Variants in COMMD1 observed in about 807,000 individuals in gnomAD.
COMMD1 encodes the protein copper metabolism domain containing 1.
In COMMD1, 10 loss-of-function variants were observed where a neutral mutation model predicts 17.2. The observed-to-expected ratio is 0.58, with a 90% CI of 0.36 to 0.99. COMMD1 has a LOEUF of 0.99. Ranked by LOEUF, COMMD1 falls within the 50% of genes least tolerant of loss-of-function variation. COMMD1 has a pLI of 0.01. For synonymous variants in COMMD1, 97 were observed against 91.6 expected (o/e 1.06, Z -0.34); for missense variants, 270 against 231.8 (o/e 1.17, Z -1.07).
intron 2 of COMMD1, among the ~76,000 whole-genome samples, chr2:62,080,964 T>G (rs1182202196): frequency 6.6e-6 from 1 of 152,094 alleles, no homozygotes; most frequent in Non-Finnish European, 1.5e-5. Context: ...TTAATGACAT[T>G]TAAGATGTTT....
At chr2:61,920,463 TA>T (rs778457651) in intron 1 of COMMD1, among the ~76,000 whole-genome samples, 3 of 151,314 alleles carry the variant, frequency 2.0e-5, no homozygotes, top group Non-Finnish European at 4.4e-5. Context: ...CTCCCACACT[TA>T]CATTTCTGAG....
At chr2:61,960,127 G>T (rs964548223) in intron 1 of COMMD1, among the ~76,000 whole-genome samples, 2 of 151,322 alleles carry the variant, frequency 1.3e-5, no homozygotes, top group African/African-American at 2.4e-5. Context: ...GTGTGTGTGT[G>T]TGTGTGTACA....
intron 2 of COMMD1, among the ~76,000 whole-genome samples, chr2:62,111,520 C>T (rs2104046257): frequency 6.6e-6 from 1 of 152,252 alleles, no homozygotes; most frequent in East Asian, 1.9e-4. Context: ...GTATAGCATT[C>T]CTTCCTCCCA....
intron 1 of COMMD1, among the ~76,000 whole-genome samples, chr2:61,920,979 ATAT>A (rs1314859794): frequency 1.5e-5 from 2 of 131,128 alleles, no homozygotes; most frequent in Non-Finnish European, 3.2e-5. Context: ...ATATATATAT[ATAT>A]TTTTTTTTTT....
intron 2 of COMMD1, among the ~76,000 whole-genome samples, chr2:62,033,536 G>A (rs894631610): frequency 1.3e-5 from 2 of 151,950 alleles, no homozygotes; most frequent in Non-Finnish European, 2.9e-5. Flanking sequence ...TTGAGCCCAG[G>A]AGTACAAGAC....
intron 1 of COMMD1, among the ~76,000 whole-genome samples, chr2:61,934,655 T>C (rs1670557725): frequency 6.6e-6 from 1 of 152,140 alleles, no homozygotes. Flanking sequence ...ACAAAACAGA[T>C]TTCAATTAAG....
At chr2:61,957,159 A>G (rs1433196921) in intron 1 of COMMD1, among the ~76,000 whole-genome samples, 4 of 151,686 alleles carry the variant, frequency 2.6e-5, no homozygotes, top group Admixed American at 2.0e-4. Flanking sequence ...CTTGTTGCCC[A>G]AGAATGCAGT....
chr2:62,003,697 A>G (rs956187099), intron 2 of COMMD1, among the ~76,000 whole-genome samples: 1 of 152,014 alleles, frequency 6.6e-6, no homozygotes, highest in Non-Finnish European at 1.5e-5. Flanking sequence ...TTTACCAGCT[A>G]TTTATATCGG....
intron 2 of COMMD1, among the ~76,000 whole-genome samples, chr2:62,072,918 C>G (rs1365969289): frequency 6.6e-6 from 1 of 152,248 alleles, no homozygotes; most frequent in East Asian, 1.9e-4. Flanking sequence ...TCACACACCC[C>G]TTGCCACTCC....
intron 1 of COMMD1, among the ~76,000 whole-genome samples, chr2:61,894,755 A>C (rs1669518086): frequency 6.6e-6 from 1 of 151,440 alleles, no homozygotes; most frequent in South Asian, 2.1e-4. Context: ...GCTGGAGTGC[A>C]ATGGTGCGAT....
chr2:61,905,664 G>A (rs769564959), upstream of COMMD1: 1 of 1,535,606 alleles, frequency 6.5e-7, no homozygotes, highest in South Asian at 1.2e-5. Flanking sequence ...TTGCGGGGCG[G>A]GGCCTTCGCA....
intron 2 of COMMD1, among the ~76,000 whole-genome samples, chr2:62,113,082 A>G (rs1206284858): frequency 8.5e-5 from 13 of 152,156 alleles, no homozygotes; most frequent in Non-Finnish European, 1.9e-4. Context: ...TGGGTGGCCC[A>G]TGCCTGTAGT....
chr2:62,055,785 G>A (rs1039273255), intron 2 of COMMD1, among the ~76,000 whole-genome samples: 2 of 152,194 alleles, frequency 1.3e-5, no homozygotes, highest in Admixed American at 6.5e-5. Context: ...AAGGTGGAAC[G>A]TGTTCCTCTC....
intron 2 of COMMD1, 140 bp downstream of exon 2, chr2:62,001,122 C>A: frequency 1.1e-6 from 1 of 880,232 alleles, no homozygotes; most frequent in Non-Finnish European, 1.8e-6. Context: ...GAGGTAGAAT[C>A]ATCTGAAAAT....
chr2:61,984,491 C>A (rs1672050433), intron 1 of COMMD1, among the ~76,000 whole-genome samples: 2 of 152,108 alleles, frequency 1.3e-5, no homozygotes, highest in Non-Finnish European at 2.9e-5. Flanking sequence ...TTGCCGATTT[C>A]TAGTTGTATT....
At chr2:61,915,193 A>T (rs1291281879) in intron 1 of COMMD1, among the ~76,000 whole-genome samples, 2 of 151,784 alleles carry the variant, frequency 1.3e-5, no homozygotes, top group Non-Finnish European at 2.9e-5. Flanking sequence ...TTTAGTAGAG[A>T]TGGGGTTTCG....
At chr2:62,030,392 C>T (rs1330414529) in intron 2 of COMMD1, among the ~76,000 whole-genome samples, 3 of 152,174 alleles carry the variant, frequency 2.0e-5, no homozygotes, top group African/African-American at 7.2e-5. Flanking sequence ...AACTTAGCTT[C>T]TGCGGCTGCT....
chr2:62,009,613 AAAAAAG>A (rs1193200466), intron 2 of COMMD1, among the ~76,000 whole-genome samples: 1 of 151,776 alleles, frequency 6.6e-6, no homozygotes, highest in Non-Finnish European at 1.5e-5. Flanking sequence ...AAAAAAAAAA[AAAAAAG>A]AAAGAATAAG....
intron 2 of COMMD1, among the ~76,000 whole-genome samples, chr2:62,009,682 A>G (rs1446074789): frequency 6.6e-6 from 1 of 152,002 alleles, no homozygotes; most frequent in Non-Finnish European, 1.5e-5. Context: ...CACACTTGTT[A>G]AAAAAATCTA....
Sources: gnomAD v4.1 joint callset for allele counts (sites outside exome capture counted in the v4.1 genomes callset) on GRCh38, gnomAD v4.1.1 for gene constraint, MANE v1.5 for transcripts, NCBI Gene and HGNC (gene_info 2026-07-23, HGNC 2026-07-21) for gene names.